BABAM2: variants seen among roughly 807,000 people sequenced by gnomAD.
The protein encoded by BABAM2 is BRISC and BRCA1-A complex member 2.
BABAM2 carries 31 observed loss-of-function variants against 54.7 expected under a neutral mutation model. The ratio of observed to expected loss-of-function variants is 0.57; its 90% CI spans 0.43 to 0.77. The LOEUF (loss-of-function observed/expected upper bound fraction) is 0.77. BABAM2 is among the 30% of genes least tolerant of loss of function. The pLI is 0.00. For synonymous variants in BABAM2, 167 were observed against 162.9 expected, an observed-to-expected ratio of 1.03 and a Z score of -0.19; for missense variants, 364 against 455.8, an observed-to-expected ratio of 0.80 and a Z score of 1.83.
rs77608372 is a variant in BABAM2, at chr2:28,240,122, T to A, written c.781-1201T>A. ...GTTTTCTTTTTTCTTTTTTTTTTTT[T>A]AAGAGATAAGATCTTGCTCTTTTAA... On this transcript the variant is annotated intron_variant, in intron 8 of 11. Coordinates refer to ENST00000379624, the MANE Select transcript of BABAM2 (RefSeq NM_199191.3). Among the ~76,000 whole-genome samples the A allele has an allele frequency of 8.5e-3, 1,287 of 151,826 alleles. 18 individuals carry two copies. Among genetic ancestry groups the A allele is most frequent in the African/African-American group, 0.03 (1,225 of 41,350 alleles).
intron 7 of BABAM2, among the ~76,000 whole-genome samples, chr2:28,217,790 A>G (rs149737992): frequency 5.4e-4 from 82 of 152,322 alleles, no homozygotes; most frequent in African/African-American, 2.0e-3. Context: ...TTGCTTGCCT[A>G]CTGTGTGCAA....
At chr2:28,226,857 G>A (rs375688587) in intron 7 of BABAM2, among the ~76,000 whole-genome samples, 10 of 152,228 alleles carry the variant, frequency 6.6e-5, no homozygotes, top group Admixed American at 4.6e-4. Flanking sequence ...CTCAGTGGGC[G>A]CCTCTTAGGC....
At chr2:28,200,957 G>C (rs560279164) in intron 7 of BABAM2, among the ~76,000 whole-genome samples, 5 of 152,258 alleles carry the variant, frequency 3.3e-5, no homozygotes, top group African/African-American at 1.2e-4. Flanking sequence ...TTTTAGGAGA[G>C]ACAGGGTTTT....
intron 10 of BABAM2, among the ~76,000 whole-genome samples, chr2:28,272,070 A>G (rs930805545): frequency 2.6e-5 from 4 of 152,186 alleles, no homozygotes; most frequent in African/African-American, 9.6e-5. Context: ...CTTTTGGGAA[A>G]GCATCCAAGA....
At chr2:28,226,707 C>T (rs973702120) in intron 7 of BABAM2, among the ~76,000 whole-genome samples, 3 of 152,142 alleles carry the variant, frequency 2.0e-5, no homozygotes, top group Admixed American at 6.5e-5. Flanking sequence ...TGAAGAAGCC[C>T]GCCCCGCAAA....
Position 28,329,926 on chromosome 2 carries a change from A to C in BABAM2, c.1089-8524A>C, listed in dbSNP as rs1221214073. On this transcript the variant is annotated intron_variant, in intron 11 of 11. Transcript: ENST00000379624. This position sits in a 1 kb window ranked among gnomAD's most constrained non-coding sequence, Gnocchi z 4.2. Reference sequence around the variant, plus strand: ...ACTCCTGATGAACATCAGTGTAAAAATCCTCAATAAAATACTGGCAGACTG... The same window carrying C: ...ACTCCTGATGAACATCAGTGTAAAACTCCTCAATAAAATACTGGCAGACTG... 9.9e-5 allele frequency among the ~76,000 whole-genome samples: 15 copies of C among 152,226 alleles called. No individual in the cohort carries two copies. The highest frequency in any genetic ancestry group is 9.2e-4 in the Admixed American group (14 of 15,282).
intron 11 of BABAM2, among the ~76,000 whole-genome samples, chr2:28,299,786 C>T (rs1687968309): frequency 6.6e-6 from 1 of 152,130 alleles, no homozygotes. Flanking sequence ...CTTGATTAGC[C>T]ATGACTAATC....
At chr2:28,096,411 A>AG (rs1666629906) in intron 6 of BABAM2, among the ~76,000 whole-genome samples, 1 of 150,962 alleles carries the variant, frequency 6.6e-6, no homozygotes, top group African/African-American at 2.4e-5. Context: ...GCTATGGTGG[A>AG]GAAAATAAAG....
At chr2:28,039,828 G>A (rs1469591828) in intron 5 of BABAM2, among the ~76,000 whole-genome samples, 1 of 152,196 alleles carries the variant, frequency 6.6e-6, no homozygotes, top group African/African-American at 2.4e-5. Flanking sequence ...AAAAAGGAAA[G>A]ATGCACATAT....
At chr2:27,908,364 T>C (rs1362650155) in intron 2 of BABAM2, among the ~76,000 whole-genome samples, 1 of 152,108 alleles carries the variant, frequency 6.6e-6, no homozygotes, top group Non-Finnish European at 1.5e-5. Flanking sequence ...CTCAACCTCC[T>C]GGGCTCAAGC....
chr2:28,145,655 A>T (rs1671431420), intron 7 of BABAM2, among the ~76,000 whole-genome samples: 1 of 152,212 alleles, frequency 6.6e-6, no homozygotes, highest in Non-Finnish European at 1.5e-5. Context: ...AGAGTTGTGC[A>T]GCCATCACCA....
chr2:28,173,373 C>T (rs1171033131), intron 7 of BABAM2, among the ~76,000 whole-genome samples: 1 of 152,204 alleles, frequency 6.6e-6, no homozygotes, highest in East Asian at 1.9e-4. Context: ...AGCCTTTAGG[C>T]CTCACAAGAC....
chr2:28,115,443 G>T (rs202147735), intron 6 of BABAM2, among the ~76,000 whole-genome samples: 1 of 151,872 alleles, frequency 6.6e-6, no homozygotes, highest in Non-Finnish European at 1.5e-5. Flanking sequence ...TGGCTAACAC[G>T]ATGAAACCCT....
chr2:28,140,220 C>A (rs953848862), intron 7 of BABAM2, among the ~76,000 whole-genome samples: 1 of 152,140 alleles, frequency 6.6e-6, no homozygotes, highest in Non-Finnish European at 1.5e-5. Context: ...CAGTGACTTT[C>A]CCCTTCAATC....
chr2:28,274,919 G>A (rs1447925285), intron 10 of BABAM2, among the ~76,000 whole-genome samples: 9 of 152,282 alleles, frequency 5.9e-5, no homozygotes, highest in South Asian at 4.1e-4. Context: ...TGAAGACCTC[G>A]CAGAAGAGAC....
rs757351647 is a variant in BABAM2, at chr2:28,237,237, C to G, written c.716C>G (p.Ala239Gly). 6.2e-7 allele frequency: 1 copy of G among 1,613,910 alleles called. No homozygotes were observed. Among genetic ancestry groups the G allele is most frequent in the East Asian group, 2.2e-5 (1 of 44,854 alleles). The change falls in exon 8 of 12, where the codon GCT becomes GGT. Residue 239 changes from alanine to glycine, a missense_variant. Coordinates refer to ENST00000379624, the MANE Select transcript of BABAM2 (RefSeq NM_199191.3). ...LGGSSALHIP[A>G]FPGGGCLIDY... ...GGCTCCTCAGCTCTTCATATCCCAG[C>G]TTTTCCAGGAGGAGGATGTCTCATT... is the stretch of plus-strand genomic sequence containing the variant.
At chr2:27,980,554 G>C (rs1277144434) in intron 3 of BABAM2, among the ~76,000 whole-genome samples, 1 of 152,166 alleles carries the variant, frequency 6.6e-6, no homozygotes, top group Admixed American at 6.5e-5. Flanking sequence ...ACAGTATTGA[G>C]GCAAAGTGTT....
intron 11 of BABAM2, among the ~76,000 whole-genome samples, chr2:28,316,921 G>T (rs564640838): frequency 6.6e-6 from 1 of 152,324 alleles, no homozygotes; most frequent in South Asian, 2.1e-4. Context: ...CTGAATTCAG[G>T]TCTAGGTGTC....
chr2:28,164,096 A>T (rs1193462873), intron 7 of BABAM2, among the ~76,000 whole-genome samples: 2 of 152,236 alleles, frequency 1.3e-5, no homozygotes, highest in Non-Finnish European at 2.9e-5. Flanking sequence ...ACATCTTGAT[A>T]CCAAGGATCA....
Sources: gnomAD v4.1 joint callset for allele counts (sites outside exome capture counted in the v4.1 genomes callset) on GRCh38, gnomAD v4.1.1 for gene constraint, Gnocchi (gnomAD v3.1) non-coding constraint, MANE v1.5 for transcripts, NCBI Gene and HGNC (gene_info 2026-07-23, HGNC 2026-07-21) for gene names.